The following ZNF557 variants were observed in gnomAD, a reference collection of about 807,000 sequenced individuals.
The protein encoded by ZNF557 is CTB-25J19.9.
Under a neutral mutation model 21.2 loss-of-function variants are expected in ZNF557, and 19 were observed. The ratio of observed to expected loss-of-function variants is 0.90; its 90% CI spans 0.63 to 1.32. The LOEUF (loss-of-function observed/expected upper bound fraction) is 1.32. Among genes scored for constraint, ZNF557 ranks in the 40% most tolerant of loss-of-function variants. ZNF557 has a pLI of 0.00. For missense variants in ZNF557, 487 were observed against 519.8 expected (o/e 0.94, Z 0.61); for synonymous variants, 207 against 194.8 (o/e 1.06, Z -0.52).
rs1052534018 is a variant in ZNF557 at position 7,083,292 on chromosome 19, A to G, written c.841A>G (p.Arg281Gly). 2.5e-6 allele frequency: 4 copies of G among 1,614,092 alleles called. No homozygotes were observed. Among genetic ancestry groups the G allele is most frequent in the African/African-American group, 2.7e-5 (2 of 74,932 alleles). ...REFRTQSIFT[R>G]HKRVHTGEGH... Reference sequence around the variant, plus strand: ...GTTCCGCACTCAGTCAATCTTCACAAGGCACAAGAGAGTTCATACGGGGGA... The same window carrying G: ...GTTCCGCACTCAGTCAATCTTCACAGGGCACAAGAGAGTTCATACGGGGGA... Residue 281 changes from arginine (R) to glycine (G), a missense_variant, in exon 8 of 8, where the codon AGG becomes GGG. Physicochemically the swap from Arg to Gly is moderately radical, Grantham distance 125. Coordinates refer to ENST00000252840, the MANE Select transcript of ZNF557 (RefSeq NM_024341.3).
At chr19:7,075,386 A>T (rs368436415) in intron 3 of ZNF557, among the ~76,000 whole-genome samples, 1 of 152,170 alleles carries the variant, frequency 6.6e-6, no homozygotes, top group African/African-American at 2.4e-5. Context: ...TCGGAACTTC[A>T]GTTTCCTCAT....
chr19:7,078,872 T>C (rs1977636252), intron 5 of ZNF557, among the ~76,000 whole-genome samples: 1 of 152,188 alleles, frequency 6.6e-6, no homozygotes, highest in South Asian at 2.1e-4. Flanking sequence ...TAATTTCTGC[T>C]CTACAGATCA....
intron 2 of ZNF557, among the ~76,000 whole-genome samples, chr19:7,073,155 T>TGG (rs1370483894): frequency 9.0e-5 from 4 of 44,642 alleles, no homozygotes; most frequent in Non-Finnish European, 9.7e-5. Flanking sequence ...TTGGTTTTTT[T>TGG]TGTTTTTTTT....
At chr19:7,072,636 C>T (rs1179712575) in intron 2 of ZNF557, among the ~76,000 whole-genome samples, 3 of 152,186 alleles carry the variant, frequency 2.0e-5, no homozygotes, top group African/African-American at 7.2e-5. Flanking sequence ...TGCCTCTGCA[C>T]GTGCACTTTC....
rs531191945 is a variant in ZNF557, at chr19:7,081,150, G to GGT, written c.248-160_248-159dup. Among the ~76,000 whole-genome samples the GGT allele has an allele frequency of 7.2e-3, 1,001 of 139,160 alleles. 8 individuals carry two copies. The highest frequency in any genetic ancestry group is 9.2e-3 in the Non-Finnish European group (603 of 65,360). The allele number at this position is 139,160 out of a possible 152,430, so 91.3% of individuals were successfully genotyped here. ...CAACCACCCTAGATATTGCTTGTGG[G>GGT]GTGTGTGTGTGTGTGTGTGTGTGTG... On this transcript the variant is annotated intron_variant, in intron 5 of 7. Coordinates refer to ENST00000252840, the MANE Select transcript of ZNF557 (RefSeq NM_024341.3).
In ZNF557 at chr19:7,075,013, G is replaced by C; in HGVS notation, c.-62G>C. ...TCTTCCAGGGTGCTGTCCTGAGAGC[G>C]CTGCGGGATAAAGGAGGAGCGTCCT... On this transcript the variant is annotated 5_prime_UTR_variant, in exon 3 of 8. Coordinates refer to ENST00000252840, the MANE Select transcript of ZNF557 (RefSeq NM_024341.3). 5 of 1,612,892 alleles carry C rather than the reference G, an allele frequency of 3.1e-6. No individual in the cohort carries two copies. Among genetic ancestry groups the C allele is most frequent in the Non-Finnish European group, 4.2e-6 (5 of 1,179,542 alleles).
rs551407862 is a variant in ZNF557, at chr19:7,080,077, G to A, written c.248-1283G>A. On this transcript the variant is annotated intron_variant, in intron 5 of 7. Coordinates refer to ENST00000252840, the MANE Select transcript of ZNF557 (RefSeq NM_024341.3). ...AGCACTTTGGGAGGCTGAGGTGGGC[G>A]GATCACCTGAGGTCAGGAGTTGGAG... Among the ~76,000 whole-genome samples the A allele has an allele frequency of 2.0e-4, 31 of 152,204 alleles. No individual in the cohort carries two copies. The South Asian group carries it at 5.4e-3, about 26-fold the overall frequency.
intron 3 of ZNF557, 75 bp downstream of exon 3, chr19:7,075,180 G>T: frequency 6.2e-7 from 1 of 1,604,978 alleles, no homozygotes; most frequent in Non-Finnish European, 8.5e-7. Flanking sequence ...GATGGGAGGG[G>T]GTTGGGCAGA....
Position 7,087,025 on chromosome 19 carries a change from T to C in ZNF557, c.*3281T>C, listed in dbSNP as rs551639400. ...GCTTGGGCGACAGAGTGAGACTCCATCTCAAAAAAAGATGTACAGTGTACT... is the reference window on the plus strand; with the variant it reads ...GCTTGGGCGACAGAGTGAGACTCCACCTCAAAAAAAGATGTACAGTGTACT... On this transcript the variant is annotated 3_prime_UTR_variant, in exon 8 of 8. Transcript: ENST00000252840. 2 of 151,194 alleles carry C rather than the reference T, an allele frequency of 1.3e-5. No homozygotes were observed. Among genetic ancestry groups the C allele is most frequent in the Admixed American group, 1.3e-4 (2 of 15,142 alleles). 9.4% of individuals were successfully genotyped at this position (151,194 alleles called of 1,614,324 possible). A position where few individuals can be genotyped will look rare whatever the true frequency, so the allele number is the denominator to read the frequency against.
chr19:7,083,853 C>T lies in ZNF557; in HGVS notation c.*109C>T, dbSNP rs1170778014. 4 of 1,431,800 alleles carry T rather than the reference C, an allele frequency of 2.8e-6. No individual in the cohort carries two copies. In the East Asian group the frequency reaches 6.9e-5, roughly 25 times the overall value. 88.7% of individuals were successfully genotyped at this position (1,431,800 alleles called of 1,614,324 possible). On this transcript the variant is annotated 3_prime_UTR_variant, in exon 8 of 8. Coordinates refer to ENST00000252840, the MANE Select transcript of ZNF557 (RefSeq NM_024341.3). ...CTGCTACTGTGTAACAAATTACCCCCCAAAATTTTGTGGCTTCAAACAAAA... is the reference window on the plus strand; with the variant it reads ...CTGCTACTGTGTAACAAATTACCCCTCAAAATTTTGTGGCTTCAAACAAAA...
intron 6 of ZNF557, 30 bp from the exon 7 acceptor site, chr19:7,081,940 C>G: frequency 6.3e-7 from 1 of 1,578,942 alleles, no homozygotes; most frequent in Non-Finnish European, 8.7e-7. Flanking sequence ...TCTTTTCTAT[C>G]AACTTAAATT....
chr19:7,073,998 A>C (rs1599838389), intron 2 of ZNF557, among the ~76,000 whole-genome samples: 2 of 95,214 alleles, frequency 2.1e-5, no homozygotes. Context: ...CACACCCTTG[A>C]CCACTTTTTT....
intron 5 of ZNF557, among the ~76,000 whole-genome samples, chr19:7,079,370 T>A (rs1046777269): frequency 4.0e-5 from 6 of 151,098 alleles, no homozygotes; most frequent in Non-Finnish European, 7.4e-5. Flanking sequence ...GCCTCCCGAG[T>A]AGCTGGGACT....
At chr19:7,082,849 G>C in intron 7 of ZNF557, 29 bp from the exon 8 acceptor site, 3 of 1,521,410 alleles carry the variant, frequency 2.0e-6, no homozygotes, top group Non-Finnish European at 2.6e-6. Flanking sequence ...TATTATAAAT[G>C]GTACTTATTG....
Position 7,085,988 on chromosome 19 carries a change from G to A in ZNF557, c.*2244G>A, listed in dbSNP as rs1050526924. On this transcript the variant is annotated 3_prime_UTR_variant, in exon 8 of 8. Coordinates refer to ENST00000252840, the MANE Select transcript of ZNF557 (RefSeq NM_024341.3). Reference sequence around the variant, plus strand: ...CTCACACCTATAAACCTAGCATTTTGGGAGGCTGAGGCGGGCAGATCACCG... The same window carrying A: ...CTCACACCTATAAACCTAGCATTTTAGGAGGCTGAGGCGGGCAGATCACCG... 3.3e-5 allele frequency: 5 copies of A among 151,962 alleles called. No homozygotes were observed. Among genetic ancestry groups the A allele is most frequent in the African/African-American group, 1.2e-4 (5 of 41,364 alleles). 9.4% of individuals were successfully genotyped at this position (151,962 alleles called of 1,614,324 possible).
At chr19:7,082,123 C>A in intron 7 of ZNF557, 71 bp downstream of exon 7, 1 of 1,302,820 alleles carries the variant, frequency 7.7e-7, no homozygotes, top group Non-Finnish European at 1.1e-6. Context: ...GCCACAAGGA[C>A]TGGCCTTGTT....
At chr19:7,075,856 G>A in intron 4 of ZNF557, 113 bp downstream of exon 4, 1 of 1,512,558 alleles carries the variant, frequency 6.6e-7, no homozygotes, top group Non-Finnish European at 8.9e-7. Context: ...AGGCATCCCA[G>A]GGTCTCTGAG....
chr19:7,073,737 C>A (rs974541950), intron 2 of ZNF557, among the ~76,000 whole-genome samples: 1 of 152,130 alleles, frequency 6.6e-6, no homozygotes, highest in Non-Finnish European at 1.5e-5. Flanking sequence ...TCTCCCAATC[C>A]TTCTCTCCCC....
At position 7,085,477 on chromosome 19, in the gene ZNF557, A is replaced by G. The variant is rs534922054; in HGVS notation, c.*1733A>G. On this transcript the variant is annotated 3_prime_UTR_variant, in exon 8 of 8. Transcript: ENST00000252840. ...CCACTCTCAGCCAGAACTTCTTAAG[A>G]TAAAGGATGAGGGAATGTTTTCAGT... The G allele has an allele frequency of 6.6e-6, 1 of 152,306 alleles. No individual in the cohort carries two copies. Among genetic ancestry groups the G allele is most frequent in the East Asian group, 1.9e-4 (1 of 5,180 alleles). 9.4% of individuals were successfully genotyped at this position (152,306 alleles called of 1,614,324 possible).
Sources: allele counts gnomAD v4.1 joint callset (sites outside exome capture counted in the v4.1 genomes callset), GRCh38; gene constraint gnomAD v4.1.1; transcripts MANE v1.5; gene names NCBI Gene and HGNC (gene_info 2026-07-23, HGNC 2026-07-21).